TRERF1: variants seen among roughly 807,000 people sequenced by gnomAD.
The protein encoded by TRERF1 is transcriptional-regulating factor 1.
TRERF1 carries 27 observed loss-of-function variants against 122.9 expected under a neutral mutation model. The ratio of observed to expected loss-of-function variants is 0.22; its 90% CI spans 0.16 to 0.30. The LOEUF (loss-of-function observed/expected upper bound fraction) is 0.30, where lower values mean the gene tolerates loss of function less well. TRERF1 is among the 10% of genes least tolerant of loss of function. The pLI, the probability that TRERF1 is intolerant of heterozygous loss-of-function variation, is 1.00. For missense variants in TRERF1, 1,248 were observed against 1,560.3 expected (o/e 0.80, Z 3.37); for synonymous variants, 636 against 641.7 (o/e 0.99, Z 0.13).
chr6:42,230,746 C>G (rs557783715), intron 17 of TRERF1, among the ~76,000 whole-genome samples: 74 of 152,258 alleles, frequency 4.9e-4, no homozygotes, highest in Non-Finnish European at 9.1e-4. Flanking sequence ...AGACCCACAC[C>G]GAATCCCATC....
intron 2 of TRERF1, among the ~76,000 whole-genome samples, chr6:42,444,203 T>G (rs1231074686): frequency 2.0e-5 from 3 of 151,926 alleles, no homozygotes; most frequent in Admixed American, 6.6e-5. Context: ...TGCTTTTTTT[T>G]CTTTTGAGCT....
At chr6:42,403,359 G>A (rs1779694732) in intron 2 of TRERF1, among the ~76,000 whole-genome samples, 1 of 152,090 alleles carries the variant, frequency 6.6e-6, no homozygotes, top group African/African-American at 2.4e-5. Flanking sequence ...TCCAATGACT[G>A]ATGCCCTTAT....
In TRERF1 at chr6:42,232,895, G is replaced by A. The variant is rs1434478228; in HGVS notation, c.3067-3C>T. ...AGTGCCTGTCGGGAGCTGAACACCT[G>A]GGGAAGAAAGGGAGTGACATGACAT... On this transcript the variant is annotated splice_region_variant and splice_polypyrimidine_tract_variant and intron_variant, in intron 16 of 17. Coordinates refer to ENST00000372922, the Ensembl canonical transcript of TRERF1. The surrounding 1 kb of genome is among the most constrained non-coding windows in gnomAD (Gnocchi z 4.5). The A allele has an allele frequency of 1.9e-6, 3 of 1,589,790 alleles. No individual in the cohort carries two copies. Among genetic ancestry groups the A allele is most frequent in the Non-Finnish European group, 2.6e-6 (3 of 1,166,424 alleles).
At chr6:42,335,778 C>G (rs1001159185) in intron 3 of TRERF1, among the ~76,000 whole-genome samples, 2 of 152,212 alleles carry the variant, frequency 1.3e-5, no homozygotes, top group Non-Finnish European at 2.9e-5. Flanking sequence ...CTCTGACTCC[C>G]CAAAACAAAG....
At chr6:42,287,937 C>T (rs1783562620) in intron 4 of TRERF1, among the ~76,000 whole-genome samples, 1 of 152,054 alleles carries the variant, frequency 6.6e-6, no homozygotes, top group South Asian at 2.1e-4. Flanking sequence ...AGTGATTTCC[C>T]CACCCACTCA....
chr6:42,371,217 G>A (rs1378857896), intron 2 of TRERF1, among the ~76,000 whole-genome samples: 1 of 152,208 alleles, frequency 6.6e-6, no homozygotes, highest in African/African-American at 2.4e-5. Context: ...AGGCATTCAG[G>A]ATAACTGGAG....
At chr6:42,443,337 CCTT>C (rs1232305589) in intron 2 of TRERF1, among the ~76,000 whole-genome samples, 1 of 152,202 alleles carries the variant, frequency 6.6e-6, no homozygotes, top group Non-Finnish European at 1.5e-5. Flanking sequence ...TAAAGCTTCA[CCTT>C]CTTAGGCAGA....
At chr6:42,261,986 G>GT (rs1777964721) in intron 8 of TRERF1, among the ~76,000 whole-genome samples, 1 of 151,872 alleles carries the variant, frequency 6.6e-6, no homozygotes, top group African/African-American at 2.4e-5. Context: ...TGAAGGGGTG[G>GT]GGGGGGTGTG....
At chr6:42,235,033 C>A (rs572384709) in intron 16 of TRERF1, among the ~76,000 whole-genome samples, 2 of 152,090 alleles carry the variant, frequency 1.3e-5, no homozygotes, top group Non-Finnish European at 2.9e-5. Context: ...AACAAGCCAG[C>A]AATCTCTTCT....
intron 3 of TRERF1, among the ~76,000 whole-genome samples, chr6:42,301,340 C>T (rs1416866579): frequency 6.6e-6 from 1 of 152,188 alleles, no homozygotes. Context: ...AGCAATTCTC[C>T]TGCCTCAGCC....
chr6:42,312,735 A>G (rs953972168), intron 3 of TRERF1, among the ~76,000 whole-genome samples: 14 of 152,204 alleles, frequency 9.2e-5, no homozygotes, highest in Admixed American at 2.0e-4. Context: ...CTTCCCTTTC[A>G]TTAATTCATC....
At chr6:42,318,015 G>A (rs181981396) in intron 3 of TRERF1, among the ~76,000 whole-genome samples, 5 of 151,954 alleles carry the variant, frequency 3.3e-5, no homozygotes, top group African/African-American at 7.3e-5. Flanking sequence ...TTAGCTGGGC[G>A]TGGTGGCAGG....
Position 42,243,366 on chromosome 6 carries a change from C to A in TRERF1, c.2746-5G>T. The A allele has an allele frequency of 6.2e-7, 1 of 1,608,470 alleles. No homozygotes were observed. Among genetic ancestry groups the A allele is most frequent in the Non-Finnish European group, 8.5e-7 (1 of 1,175,392 alleles). On this transcript the variant is annotated splice_region_variant and splice_polypyrimidine_tract_variant and intron_variant, in intron 14 of 17. Transcript: ENST00000372922. ...AGCCACCGTCTTGGACTTCACCTGC[C>A]GGGAAAGCGAACTCAAGGTTAGCTC...
At chr6:42,329,296 G>T (rs886086836) in intron 3 of TRERF1, among the ~76,000 whole-genome samples, 1 of 152,088 alleles carries the variant, frequency 6.6e-6, no homozygotes, top group Non-Finnish European at 1.5e-5. Context: ...TGGCCAGGGT[G>T]GGGTGGGGGC....
chr6:42,263,679 C>A lies in TRERF1; in HGVS notation c.1636-111G>T, dbSNP rs1778661238. 1 of 1,317,172 alleles carries A rather than the reference C, an allele frequency of 7.6e-7. No homozygotes were observed. 81.6% of individuals were successfully genotyped at this position (1,317,172 alleles called of 1,614,324 possible). A position where few individuals can be genotyped will look rare whatever the true frequency, so the allele number is the denominator to read the frequency against. ...GACATCAGGTATGGGTGATAGAGAA[C>A]CGCTGCAGGGCGATTTCCTTCCTGC... On this transcript the variant is annotated intron_variant, in intron 7 of 17. Coordinates refer to ENST00000372922, the Ensembl canonical transcript of TRERF1. The surrounding 1 kb of genome is among the most constrained non-coding windows in gnomAD (Gnocchi z 5.6).
intron 13 of TRERF1, among the ~76,000 whole-genome samples, chr6:42,253,834 G>C (rs549354218): frequency 7.9e-5 from 12 of 152,250 alleles, no homozygotes; most frequent in Non-Finnish European, 1.6e-4. Flanking sequence ...CCGGACTAAA[G>C]ATTGGAAAAC....
chr6:42,346,331 C>T (rs191890822), intron 3 of TRERF1, among the ~76,000 whole-genome samples: 1 of 152,182 alleles, frequency 6.6e-6, no homozygotes, highest in South Asian at 2.1e-4. Flanking sequence ...CTGAGCACCA[C>T]GTGTGCACAA....
chr6:42,257,350 G>A (rs1776952902), intron 10 of TRERF1, among the ~76,000 whole-genome samples: 1 of 152,170 alleles, frequency 6.6e-6, no homozygotes, highest in Admixed American at 6.5e-5. Context: ...ACAGCTCCCT[G>A]TAACTGGGAG....
chr6:42,239,155 T>C (rs1773020279), intron 15 of TRERF1, among the ~76,000 whole-genome samples: 1 of 152,168 alleles, frequency 6.6e-6, no homozygotes, highest in East Asian at 1.9e-4. Flanking sequence ...GGAGGATGTT[T>C]CCCAAGGCCC....
Sources: allele counts gnomAD v4.1 joint callset (sites outside exome capture counted in the v4.1 genomes callset), GRCh38; gene constraint gnomAD v4.1.1; non-coding constraint Gnocchi (gnomAD v3.1); transcripts MANE v1.5; gene names NCBI Gene and HGNC (gene_info 2026-07-23, HGNC 2026-07-21).